KIF2A: variants seen among roughly 807,000 people sequenced by gnomAD.
The protein encoded by KIF2A is kinesin-like protein KIF2A.
Under a neutral mutation model 100.2 loss-of-function variants are expected in KIF2A, and 22 were observed. The observed-to-expected ratio is 0.22, with a 90% CI of 0.16 to 0.31. The LOEUF (loss-of-function observed/expected upper bound fraction) is 0.31, where lower values mean the gene tolerates loss of function less well. Among genes scored for constraint, KIF2A ranks in the 10% least tolerant of loss-of-function variants. KIF2A has a pLI of 1.00. For missense variants in KIF2A, 495 were observed against 898.7 expected (o/e 0.55, Z 5.74); for synonymous variants, 268 against 285.9 (o/e 0.94, Z 0.63).
chr5:62,307,783 A>G (rs1478045268), intron 1 of KIF2A, among the ~76,000 whole-genome samples: 1 of 151,850 alleles, frequency 6.6e-6, no homozygotes, highest in Non-Finnish European at 1.5e-5. Context: ...CACCCAGCTA[A>G]TTTTTTGTAT....
intron 1 of KIF2A, among the ~76,000 whole-genome samples, chr5:62,343,610 A>G (rs1397161412): frequency 2.0e-5 from 3 of 152,150 alleles, no homozygotes; most frequent in African/African-American, 7.2e-5. Context: ...CAAAGGAGTA[A>G]TATCTGACTC....
intron 7 of KIF2A, among the ~76,000 whole-genome samples, chr5:62,355,704 A>G (rs1446899297): frequency 2.0e-5 from 3 of 152,144 alleles, no homozygotes; most frequent in Middle Eastern, 3.2e-3. Flanking sequence ...TGAGGGCTGC[A>G]GTGGACCAGA....
At chr5:62,313,793 G>A (rs1561245601) in intron 1 of KIF2A, among the ~76,000 whole-genome samples, 2 of 151,302 alleles carry the variant, frequency 1.3e-5, no homozygotes, top group Non-Finnish European at 2.9e-5. Flanking sequence ...AATTGTTTTG[G>A]TATCAAAAGG....
At chr5:62,341,556 C>T (rs1747294362) in intron 1 of KIF2A, among the ~76,000 whole-genome samples, 2 of 152,186 alleles carry the variant, frequency 1.3e-5, no homozygotes, top group Non-Finnish European at 1.5e-5. Flanking sequence ...CCTGCTTCTG[C>T]CTCCCAAAGT....
chr5:62,308,467 T>G (rs1745414715), intron 1 of KIF2A: 1 of 859,232 alleles, frequency 1.2e-6, no homozygotes, highest in African/African-American at 1.7e-5. Context: ...GCAGCATTAT[T>G]CACAGTAGCC....
chr5:62,343,867 G>A (rs1747419413), intron 1 of KIF2A, among the ~76,000 whole-genome samples: 1 of 152,166 alleles, frequency 6.6e-6, no homozygotes, highest in African/African-American at 2.4e-5. Flanking sequence ...TTGAGAATTT[G>A]TGTTACCGTT....
In KIF2A at chr5:62,367,661, G is replaced by C. The variant is rs140611463; in HGVS notation, c.1646+1180G>C. ...ATAACTGGGTTTTTACAGATAGAAG[G>C]ACAGAATGCATTACAGACTACTAAA... On this transcript the variant is annotated intron_variant, in intron 16 of 20. Transcript: ENST00000407818. Among the ~76,000 whole-genome samples, 127 of 152,250 alleles carry C rather than the reference G, an allele frequency of 8.3e-4. 1 individual carries two copies. The highest frequency in any genetic ancestry group is 2.8e-3 in the African/African-American group (116 of 41,550).
At chr5:62,306,807 C>G in intron 1 of KIF2A, 2 of 456,496 alleles carry the variant, frequency 4.4e-6, no homozygotes, top group Non-Finnish European at 7.8e-6. Flanking sequence ...CTCCGGGGGT[C>G]TCTGGGCGAG....
At chr5:62,313,361 G>GT (rs1306264795) in intron 1 of KIF2A, among the ~76,000 whole-genome samples, 1 of 151,930 alleles carries the variant, frequency 6.6e-6, no homozygotes, top group Non-Finnish European at 1.5e-5. Flanking sequence ...TAGCCTCAGA[G>GT]TTTTTTTTGA....
At position 62,390,226 on chromosome 5, in the gene KIF2A, C is replaced by T. The variant is rs1742240732; in HGVS notation, c.*4657C>T. 6.6e-6 allele frequency among the ~76,000 whole-genome samples: 1 copy of T among 152,148 alleles called. No homozygotes were observed. Among genetic ancestry groups the T allele is most frequent in the Non-Finnish European group, 1.5e-5 (1 of 68,032 alleles). On this transcript the variant is annotated 3_prime_UTR_variant, in exon 21 of 21. Transcript: ENST00000407818. ...TCTTAATGATTAAAAACAGTAAGTA[C>T]AGGTTAGTAATTACCTGGGTAATTA...
intron 4 of KIF2A, among the ~76,000 whole-genome samples, chr5:62,351,233 T>TAAAG (rs1314783757): frequency 6.6e-6 from 1 of 151,424 alleles, no homozygotes; most frequent in African/African-American, 2.4e-5. Context: ...CCTGTCTCAA[T>TAAAG]AAATAAATAA....
At position 62,371,812 on chromosome 5, in the gene KIF2A, T is replaced by C. The variant is rs2111981495; in HGVS notation, c.1647-626T>C. On this transcript the variant is annotated intron_variant, in intron 16 of 20. Transcript: ENST00000407818. The stretch of plus-strand genomic sequence containing the variant: ...AGAAAAGTCATAATTTGGTTAAATA[T>C]AACTATTGAAGATGTTAGCAAAAGC... Among the ~76,000 whole-genome samples the C allele has an allele frequency of 2.0e-5, 3 of 152,304 alleles. No individual in the cohort carries two copies. In the South Asian group the frequency reaches 6.2e-4, roughly 32 times the overall value.
chr5:62,319,627 G>T (rs1343197807), intron 1 of KIF2A, among the ~76,000 whole-genome samples: 1 of 152,080 alleles, frequency 6.6e-6, no homozygotes, highest in Non-Finnish European at 1.5e-5. Flanking sequence ...CAGGCACTCT[G>T]CACACTTTAT....
At chr5:62,376,794 GA>G (rs1381779393) in intron 18 of KIF2A, among the ~76,000 whole-genome samples, 2 of 151,972 alleles carry the variant, frequency 1.3e-5, no homozygotes, top group Non-Finnish European at 2.9e-5. Context: ...TGGAATCAGA[GA>G]AGCTCTGACT....
intron 1 of KIF2A, among the ~76,000 whole-genome samples, chr5:62,341,144 T>A (rs1333577282): frequency 1.3e-5 from 2 of 152,182 alleles, no homozygotes; most frequent in Non-Finnish European, 2.9e-5. Flanking sequence ...GCAACATAAT[T>A]CTCAGTCCTG....
At chr5:62,312,486 A>AT (rs1298411829) in intron 1 of KIF2A, among the ~76,000 whole-genome samples, 1 of 152,214 alleles carries the variant, frequency 6.6e-6, no homozygotes, top group South Asian at 2.1e-4. Context: ...ATCTGCTTTA[A>AT]TTTTAACACA....
intron 1 of KIF2A, among the ~76,000 whole-genome samples, chr5:62,338,161 A>G (rs1432330648): frequency 7.2e-5 from 11 of 152,160 alleles, no homozygotes; most frequent in Admixed American, 6.6e-4. Context: ...GAACTATGAC[A>G]CAGGTAGTAT....
chr5:62,365,427 G>A (rs1460488163), intron 15 of KIF2A, 74 bp downstream of exon 15: 4 of 721,106 alleles, frequency 5.5e-6, no homozygotes, highest in Non-Finnish European at 9.1e-6. Context: ...TATGGAAAAT[G>A]TATTTGTTAG....
intron 1 of KIF2A, among the ~76,000 whole-genome samples, chr5:62,336,898 A>G (rs1228844831): frequency 1.3e-5 from 2 of 152,218 alleles, no homozygotes; most frequent in Admixed American, 6.5e-5. Flanking sequence ...AAAAAAGTTT[A>G]CCAAAATACT....
Sources: allele counts gnomAD v4.1 joint callset (sites outside exome capture counted in the v4.1 genomes callset), GRCh38; gene constraint gnomAD v4.1.1; transcripts MANE v1.5; gene names NCBI Gene and HGNC (gene_info 2026-07-23, HGNC 2026-07-21).